The following DLG2 variants were observed in gnomAD, a reference collection of about 807,000 sequenced individuals.
The protein encoded by DLG2 is disks large homolog 2.
DLG2 carries 45 observed loss-of-function variants against 132.5 expected under a neutral mutation model. The ratio of observed to expected loss-of-function variants is 0.34; its 90% confidence interval spans 0.27 to 0.44. DLG2 has a LOEUF of 0.44. Among genes scored for constraint, DLG2 ranks in the 20% least tolerant of loss-of-function variants. The pLI, the probability that DLG2 is intolerant of heterozygous loss-of-function variation, is 1.00. For missense variants in DLG2, 1,045 were observed against 1,196.9 expected (o/e 0.87, Z 1.87); for synonymous variants, 424 against 419.6 (o/e 1.01, Z -0.13).
At chr11:84,298,570 A>C (rs886551425) in intron 7 of DLG2, among the ~76,000 whole-genome samples, 1 of 152,352 alleles carries the variant, frequency 6.6e-6, no homozygotes, top group East Asian at 1.9e-4. Context: ...GAAATAAATA[A>C]GGTATACTTT....
At chr11:85,276,798 T>C (rs1235262750) in intron 4 of DLG2, among the ~76,000 whole-genome samples, 1 of 152,166 alleles carries the variant, frequency 6.6e-6, no homozygotes, top group East Asian at 1.9e-4. Flanking sequence ...ATTTATTGAA[T>C]ACTTACTGCC....
At chr11:85,019,487 T>C (rs890809540) in intron 6 of DLG2, among the ~76,000 whole-genome samples, 1 of 152,206 alleles carries the variant, frequency 6.6e-6, no homozygotes, top group African/African-American at 2.4e-5. Flanking sequence ...TTTTTCATTA[T>C]ACTTTAAGTT....
intron 17 of DLG2, among the ~76,000 whole-genome samples, chr11:83,810,845 T>G (rs111935562): frequency 1.8e-4 from 28 of 152,098 alleles, no homozygotes; most frequent in Non-Finnish European, 5.9e-5. Context: ...ATTATTTAGA[T>G]AGCCTCTGTT....
chr11:83,592,203 G>C (rs1242979988), intron 19 of DLG2, among the ~76,000 whole-genome samples: 113 of 150,898 alleles, frequency 7.5e-4, no homozygotes, highest in African/African-American at 2.7e-3. Flanking sequence ...TAAGCCAAAA[G>C]AACAAAGCTG....
chr11:85,293,215 A>G (rs1159462915), intron 3 of DLG2, among the ~76,000 whole-genome samples: 2 of 152,112 alleles, frequency 1.3e-5, no homozygotes, highest in Non-Finnish European at 2.9e-5. Flanking sequence ...CTAGTGGTAA[A>G]AAATAGGACA....
intron 6 of DLG2, among the ~76,000 whole-genome samples, chr11:84,891,928 A>T (rs777113627): frequency 1.3e-5 from 2 of 152,104 alleles, no homozygotes; most frequent in Non-Finnish European, 2.9e-5. Flanking sequence ...TTCTCAAACC[A>T]TGTTTTGTGG....
At chr11:84,130,376 A>G (rs1319337007) in intron 9 of DLG2, among the ~76,000 whole-genome samples, 1 of 151,972 alleles carries the variant, frequency 6.6e-6, no homozygotes, top group Non-Finnish European at 1.5e-5. Flanking sequence ...GCAAAGATTT[A>G]TTTTAGGCAT....
At chr11:83,871,084 C>G (rs1461648459) in intron 16 of DLG2, among the ~76,000 whole-genome samples, 2 of 152,098 alleles carry the variant, frequency 1.3e-5, no homozygotes, top group Admixed American at 6.5e-5. Context: ...CTTTGATGCC[C>G]CCTTCTATTT....
intron 6 of DLG2, among the ~76,000 whole-genome samples, chr11:84,769,236 G>T (rs7129061): frequency 0.14 from 20,540 of 151,964 alleles, 1,606 homozygotes; most frequent in African/African-American, 0.22. Flanking sequence ...TCTACACAAA[G>T]AAACTTCTAA....
At chr11:84,905,288 G>A (rs1023740637) in intron 6 of DLG2, among the ~76,000 whole-genome samples, 2 of 151,936 alleles carry the variant, frequency 1.3e-5, no homozygotes, top group African/African-American at 4.8e-5. Context: ...TACTTCTTTA[G>A]TCTCTCCTCC....
intron 6 of DLG2, among the ~76,000 whole-genome samples, chr11:85,049,735 T>A (rs2062709575): frequency 6.6e-6 from 1 of 152,064 alleles, no homozygotes; most frequent in Admixed American, 6.6e-5. Flanking sequence ...TTACCATCAG[T>A]AATGTAAGAA....
At position 84,914,252 on chromosome 11, in the gene DLG2, C is replaced by T. The variant is rs531223846; in HGVS notation, c.357+197409G>A. Reference sequence around the variant, plus strand: ...CCAAAGTCTACACAGAAAGAAAAAACAAAACCTCCAGCTGAAATTTGAGAA... The same window carrying T: ...CCAAAGTCTACACAGAAAGAAAAAATAAAACCTCCAGCTGAAATTTGAGAA... On this transcript the variant is annotated intron_variant, in intron 6 of 27. Transcript: ENST00000376104. Among the ~76,000 whole-genome samples the T allele has an allele frequency of 5.9e-5, 9 of 152,222 alleles. No homozygotes were observed. In the South Asian group the frequency reaches 1.2e-3, roughly 21 times the overall value.
intron 19 of DLG2, among the ~76,000 whole-genome samples, chr11:83,609,052 T>G (rs2059743110): frequency 6.6e-6 from 1 of 152,148 alleles, no homozygotes; most frequent in African/African-American, 2.4e-5. Flanking sequence ...TATGAAACCT[T>G]GATAGTTTCA....
At chr11:84,451,493 C>T (rs10898237) in intron 7 of DLG2, among the ~76,000 whole-genome samples, 1 of 151,602 alleles carries the variant, frequency 6.6e-6, no homozygotes, top group Non-Finnish European at 1.5e-5. Flanking sequence ...AAAATGAAAG[C>T]GTTCATGATA....
At chr11:84,978,305 C>T (rs756778605) in intron 6 of DLG2, among the ~76,000 whole-genome samples, 20 of 152,164 alleles carry the variant, frequency 1.3e-4, no homozygotes, top group Non-Finnish European at 2.4e-4. Context: ...TTGGAAAAAA[C>T]TATTTTAAAG....
chr11:85,511,704 A>G (rs2094074152), intron 3 of DLG2, among the ~76,000 whole-genome samples: 1 of 147,146 alleles, frequency 6.8e-6, no homozygotes, highest in Non-Finnish European at 1.5e-5. Context: ...TTTCCAACAC[A>G]CTGTAAATGT....
chr11:83,510,830 GTTTTTTTTTTTT>G (rs566973328), intron 21 of DLG2, among the ~76,000 whole-genome samples: 13 of 88,776 alleles, frequency 1.5e-4, no homozygotes, highest in East Asian at 1.4e-3. Flanking sequence ...TGAACCATCC[GTTTTTTTTTTTT>G]TTTTTTTTTG....
chr11:84,343,902 T>C (rs1049956807), intron 7 of DLG2, among the ~76,000 whole-genome samples: 3 of 152,160 alleles, frequency 2.0e-5, no homozygotes, highest in East Asian at 1.9e-4. Flanking sequence ...GAATACCAAC[T>C]ATTTATATTT....
At chr11:83,837,405 C>T (rs1405187210) in intron 16 of DLG2, among the ~76,000 whole-genome samples, 1 of 152,148 alleles carries the variant, frequency 6.6e-6, no homozygotes, top group Non-Finnish European at 1.5e-5. Flanking sequence ...AGTTCTTGTT[C>T]TGTCTACCAA....
Sources: allele counts gnomAD v4.1 joint callset (sites outside exome capture counted in the v4.1 genomes callset), GRCh38; gene constraint gnomAD v4.1.1; transcripts MANE v1.5; gene names NCBI Gene and HGNC (gene_info 2026-07-23, HGNC 2026-07-21).